Variants in CDH18 observed in about 807,000 individuals in gnomAD.
CDH18 encodes cadherin-18.
In CDH18, 31 loss-of-function variants were observed where a neutral mutation model predicts 67.9. The observed-to-expected ratio is 0.46, with a 90% CI of 0.34 to 0.62. CDH18 has a LOEUF of 0.62. CDH18 is among the 20% of genes least tolerant of loss of function. The pLI is 0.01. For synonymous variants in CDH18, 362 were observed against 347.2 expected (o/e 1.04, Z -0.48); for missense variants, 890 against 975.5 (o/e 0.91, Z 1.17).
At chr5:19,744,931 C>T (rs1004762998) in intron 4 of CDH18, among the ~76,000 whole-genome samples, 5 of 152,106 alleles carry the variant, frequency 3.3e-5, no homozygotes, top group Admixed American at 6.6e-5. Context: ...TTTACTCTTC[C>T]TGGAACTTGG....
At chr5:19,576,547 T>G (rs939319175) in intron 7 of CDH18, among the ~76,000 whole-genome samples, 1 of 152,134 alleles carries the variant, frequency 6.6e-6, no homozygotes, top group Non-Finnish European at 1.5e-5. Flanking sequence ...CAGTGAAATA[T>G]CATCTCATGC....
At chr5:19,533,151 G>C (rs189577496) in intron 9 of CDH18, among the ~76,000 whole-genome samples, 1 of 152,304 alleles carries the variant, frequency 6.6e-6, no homozygotes, top group South Asian at 2.1e-4. Flanking sequence ...TCAATACATA[G>C]AGAAGCGAGG....
chr5:19,947,279 T>C (rs1041410507), intron 2 of CDH18, among the ~76,000 whole-genome samples: 1 of 151,864 alleles, frequency 6.6e-6, no homozygotes, highest in African/African-American at 2.4e-5. Flanking sequence ...ACACTGGAAA[T>C]GACCTAGTAT....
chr5:20,089,629 T>C (rs559196703), intron 2 of CDH18, among the ~76,000 whole-genome samples: 1 of 152,148 alleles, frequency 6.6e-6, no homozygotes, highest in Non-Finnish European at 1.5e-5. Context: ...GTGTGGTTCT[T>C]ATTTTGAAAG....
chr5:20,143,422 C>T (rs922499629), intron 2 of CDH18, among the ~76,000 whole-genome samples: 1 of 151,964 alleles, frequency 6.6e-6, no homozygotes, highest in Non-Finnish European at 1.5e-5. Context: ...GGCTGGAGTG[C>T]AGTGACACAA....
intron 3 of CDH18, among the ~76,000 whole-genome samples, chr5:19,759,562 C>A (rs1018344746): frequency 6.6e-6 from 1 of 152,090 alleles, no homozygotes; most frequent in Non-Finnish European, 1.5e-5. Context: ...TAAGTCAGAC[C>A]AGAGCTAAAA....
chr5:19,656,383 A>G (rs1756399321), intron 5 of CDH18, among the ~76,000 whole-genome samples: 1 of 152,054 alleles, frequency 6.6e-6, no homozygotes, highest in Non-Finnish European at 1.5e-5. Context: ...TAATTTTTGT[A>G]GTAGATAGAG....
chr5:19,670,356 A>C (rs1758570688), intron 5 of CDH18, among the ~76,000 whole-genome samples: 1 of 152,170 alleles, frequency 6.6e-6, no homozygotes, highest in African/African-American at 2.4e-5. Context: ...AAGTACATTC[A>C]AAAACAGCGT....
intron 2 of CDH18, among the ~76,000 whole-genome samples, chr5:20,152,780 G>C (rs1199563367): frequency 6.6e-6 from 1 of 152,012 alleles, no homozygotes; most frequent in Admixed American, 6.6e-5. Context: ...CATTTGTAAG[G>C]AAATCTAAAG....
At chr5:19,530,308 C>T (rs1748389931) in intron 9 of CDH18, among the ~76,000 whole-genome samples, 1 of 151,582 alleles carries the variant, frequency 6.6e-6, no homozygotes, top group Non-Finnish European at 1.5e-5. Context: ...AATATAAAAC[C>T]TCAAAGTTTA....
intron 2 of CDH18, among the ~76,000 whole-genome samples, chr5:20,180,319 G>C (rs1737582867): frequency 6.6e-6 from 1 of 152,094 alleles, no homozygotes; most frequent in Admixed American, 6.6e-5. Context: ...GGTCTCTTTA[G>C]GTTTAAGGCA....
intron 1 of CDH18, among the ~76,000 whole-genome samples, chr5:20,453,635 G>A (rs911739886): frequency 6.6e-6 from 1 of 151,666 alleles, no homozygotes; most frequent in Non-Finnish European, 1.5e-5. Flanking sequence ...ATGTATATAT[G>A]TATAAATGTA....
intron 5 of CDH18, among the ~76,000 whole-genome samples, chr5:19,622,503 C>T (rs370351174): frequency 9.2e-5 from 14 of 152,268 alleles, no homozygotes; most frequent in African/African-American, 3.4e-4. Context: ...GGTCTATTTG[C>T]CTTCTCCTTA....
chr5:20,021,376 G>A (rs1738407878), intron 2 of CDH18, among the ~76,000 whole-genome samples: 1 of 152,094 alleles, frequency 6.6e-6, no homozygotes, highest in Admixed American at 6.5e-5. Flanking sequence ...AAGGACATGA[G>A]ATTTGAGAGG....
At chr5:20,315,395 A>G (rs888874252) in intron 1 of CDH18, among the ~76,000 whole-genome samples, 2 of 152,050 alleles carry the variant, frequency 1.3e-5, no homozygotes, top group African/African-American at 4.8e-5. Context: ...GCCTTTGCCA[A>G]TGGTCTTCTA....
intron 2 of CDH18, among the ~76,000 whole-genome samples, chr5:20,001,673 T>A (rs752959971): frequency 3.3e-5 from 5 of 152,212 alleles, no homozygotes; most frequent in Non-Finnish European, 7.4e-5. Context: ...TTCCTTTTTT[T>A]ACTGCAAGTC....
chr5:19,634,957 G>T (rs1258198861), intron 5 of CDH18, among the ~76,000 whole-genome samples: 1 of 148,880 alleles, frequency 6.7e-6, no homozygotes, highest in South Asian at 2.1e-4. Flanking sequence ...AAAAAAGAAA[G>T]AAAAAAAAGA....
intron 1 of CDH18, among the ~76,000 whole-genome samples, chr5:20,561,572 G>T (rs1758218917): frequency 6.6e-6 from 1 of 151,986 alleles, no homozygotes; most frequent in Admixed American, 6.6e-5. Context: ...AAAAAGATCA[G>T]TAGTTGCCAG....
At chr5:20,333,357 A>G (rs1281986703) in intron 1 of CDH18, among the ~76,000 whole-genome samples, 2 of 151,834 alleles carry the variant, frequency 1.3e-5, no homozygotes, top group East Asian at 3.9e-4. Flanking sequence ...AATACAAAAA[A>G]TTAGCTGGGC....
Sources: allele counts gnomAD v4.1 joint callset (sites outside exome capture counted in the v4.1 genomes callset), GRCh38; gene constraint gnomAD v4.1.1; transcripts MANE v1.5; gene names NCBI Gene and HGNC (gene_info 2026-07-23, HGNC 2026-07-21).